P2RX4: variants seen among roughly 807,000 people sequenced by gnomAD.
P2RX4 encodes purinergic receptor P2X 4.
Under a neutral mutation model 48.0 loss-of-function variants are expected in P2RX4, and 37 were observed. That is an observed-to-expected ratio of 0.77 (90% CI 0.59 to 1.01). The LOEUF (loss-of-function observed/expected upper bound fraction) is 1.01, where lower values mean the gene tolerates loss of function less well. Ranked by LOEUF, P2RX4 falls within the 50% of genes least tolerant of loss-of-function variation. P2RX4 has a pLI of 0.00. For synonymous variants in P2RX4, 200 were observed against 199.7 expected, an observed-to-expected ratio of 1.00 and a Z score of -0.01; for missense variants, 501 against 521.4, an observed-to-expected ratio of 0.96 and a Z score of 0.38.
At chr12:121,228,003 G>A (rs531702355) in intron 5 of P2RX4, among the ~76,000 whole-genome samples, 2 of 152,018 alleles carry the variant, frequency 1.3e-5, no homozygotes, top group African/African-American at 2.4e-5. Flanking sequence ...GCTGAGGTGG[G>A]AGAACCCCCT....
At position 121,229,454 on chromosome 12, in the gene P2RX4, C is replaced by T. The variant is rs1199481173; in HGVS notation, c.884+355C>T. Among the ~76,000 whole-genome samples, 2 of 152,230 alleles carry T rather than the reference C, an allele frequency of 1.3e-5. No homozygotes were observed. Among genetic ancestry groups the T allele is most frequent in the African/African-American group, 4.8e-5 (2 of 41,464 alleles). ...GCGGATGATCTTGTGATCCTCCAGTCCAAAGGCCTCTGGGGCCTGGCCCAG... is the reference window on the plus strand; with the variant it reads ...GCGGATGATCTTGTGATCCTCCAGTTCAAAGGCCTCTGGGGCCTGGCCCAG... On this transcript the variant is annotated intron_variant, in intron 8 of 11. Coordinates refer to ENST00000337233, the MANE Select transcript of P2RX4 (RefSeq NM_002560.3). This position sits in a 1 kb window ranked among gnomAD's most constrained non-coding sequence, Gnocchi z 4.6.
chr12:121,219,400 T>C (rs929840534), intron 2 of P2RX4, among the ~76,000 whole-genome samples: 5 of 152,082 alleles, frequency 3.3e-5, no homozygotes, highest in African/African-American at 1.2e-4. Flanking sequence ...TCCTCAGGAG[T>C]GTGAAATGCT....
intron 5 of P2RX4, among the ~76,000 whole-genome samples, chr12:121,226,044 C>T (rs1054993527): frequency 6.6e-6 from 1 of 151,510 alleles, no homozygotes; most frequent in Non-Finnish European, 1.5e-5. Flanking sequence ...GCCCAGCCAA[C>T]TTATTTTTTG....
rs3794213 is a variant in P2RX4 at position 121,222,457 on chromosome 12, A to G, written c.427+291A>G. On this transcript the variant is annotated intron_variant, in intron 4 of 11. Transcript: ENST00000337233. The stretch of plus-strand genomic sequence containing the variant: ...AGCCAGAGTCTCGCTCTGTCACCCA[A>G]ACTGGAGTGCAATGGCATGATCTCG... 0.13 allele frequency: 60,370 copies of G among 467,660 alleles called. 4,785 individuals are homozygous for G. The highest frequency in any genetic ancestry group is 0.23 in the Admixed American group (6,680 of 28,864). 29.0% of individuals were successfully genotyped at this position (467,660 alleles called of 1,614,324 possible). A position where few individuals can be genotyped will look rare whatever the true frequency, so the allele number is the denominator to read the frequency against.
chr12:121,230,388 GAA>G (rs1261012588), intron 8 of P2RX4, among the ~76,000 whole-genome samples: 1 of 151,852 alleles, frequency 6.6e-6, no homozygotes, highest in East Asian at 1.9e-4. Flanking sequence ...GTCTCAGGGG[GAA>G]AAAAAAGAGG....
chr12:121,228,553 C>A lies in P2RX4; in HGVS notation c.545C>A (p.Ala182Glu). 1 of 1,612,404 alleles carries A rather than the reference C, an allele frequency of 6.2e-7. No individual in the cohort carries two copies. Among genetic ancestry groups the A allele is most frequent in the Non-Finnish European group, 8.5e-7 (1 of 1,179,538 alleles). The change falls in exon 6 of 12, where the codon GCA becomes GAA. Residue 182 changes from alanine to glutamate, a missense_variant. This residue lies in a region of P2RX4 where 295 missense variants were observed against 275.3 expected (regional missense o/e 1.07). Transcript: ENST00000337233. ...HVPQPAFLKAAENFTLLVKNN... is the reference protein window; with the variant it reads ...HVPQPAFLKAEENFTLLVKNN... ...TTCAGACCTGCTTTTTTAAAGGCTG[C>A]AGAAAACTTCACTCTTTTGGTTAAG...
Position 121,233,559 on chromosome 12 carries a change from C to A in P2RX4, c.*10C>A, listed in dbSNP as rs746248889. On this transcript the variant is annotated 3_prime_UTR_variant, in exon 12 of 12. Transcript: ENST00000337233. ...TGAGCTGGACCAGTGAGGCCTACCCCACACCTGGGCTCTCCACAGCCCCAT... is the reference window on the plus strand; with the variant it reads ...TGAGCTGGACCAGTGAGGCCTACCCAACACCTGGGCTCTCCACAGCCCCAT... 6.2e-7 allele frequency: 1 copy of A among 1,607,758 alleles called. No homozygotes were observed. Among genetic ancestry groups the A allele is most frequent in the South Asian group, 1.1e-5 (1 of 89,928 alleles).
At chr12:121,226,659 A>G (rs528178314) in intron 5 of P2RX4, among the ~76,000 whole-genome samples, 1 of 152,358 alleles carries the variant, frequency 6.6e-6, no homozygotes, top group South Asian at 2.1e-4. Flanking sequence ...ATTTTATGTT[A>G]TGTGAATTTC....
chr12:121,212,764 G>C (rs1885943725), intron 1 of P2RX4: 1 of 136,268 alleles, frequency 7.3e-6, no homozygotes, highest in African/African-American at 2.7e-5. Flanking sequence ...ACTCCAGCCT[G>C]GGCAACAAGA....
chr12:121,210,191 G>T lies in P2RX4; in HGVS notation c.27G>T (p.Ala9=), dbSNP rs757564473. 2 of 1,538,916 alleles carry T rather than the reference G, an allele frequency of 1.3e-6. No individual in the cohort carries two copies. The highest frequency in any genetic ancestry group is 2.0e-5 in the Admixed American group (1 of 49,806). The part of the protein sequence containing the change: MAGCCAAL[A]AFLFEYDTPR... ...TGGCGGGCTGCTGCGCCGCGCTGGC[G>T]GCCTTCCTGTTCGAGTACGACACGC... The change falls in exon 1 of 12, where the codon GCG becomes GCT. Residue 9 remains alanine, a synonymous_variant. Coordinates refer to ENST00000337233, the MANE Select transcript of P2RX4 (RefSeq NM_002560.3).
chr12:121,225,651 T>TCCTGGGCTCAAGCAAC (rs1886935168), intron 5 of P2RX4, among the ~76,000 whole-genome samples: 1 of 152,192 alleles, frequency 6.6e-6, no homozygotes, highest in Non-Finnish European at 1.5e-5. Flanking sequence ...GACCTCGTGA[T>TCCTGGGCTCAAGCAAC]CCACCTGCCT....
At chr12:121,212,825 T>TATATATA (rs1555234768) in intron 1 of P2RX4, 246 of 31,020 alleles carry the variant, frequency 7.9e-3, no homozygotes, top group Middle Eastern at 0.015. Flanking sequence ...TATATATATA[T>TATATATA]TTTTTTTTTT....
rs1162421756 is a variant in P2RX4 at position 121,210,317 on chromosome 12, G to T, written c.134+19G>T. The stretch of plus-strand genomic sequence containing the variant: ...TCATCGGGTGAGCGTGGGGCCGCGC[G>T]GGGGGCGCGGCGGGTGCTGCCCTCG... On this transcript the variant is annotated intron_variant, in intron 1 of 11. Transcript: ENST00000337233. 2 of 1,498,948 alleles carry T rather than the reference G, an allele frequency of 1.3e-6. No homozygotes were observed. Among genetic ancestry groups the T allele is most frequent in the Non-Finnish European group, 1.8e-6 (2 of 1,127,734 alleles). 92.9% of individuals were successfully genotyped at this position (1,498,948 alleles called of 1,614,324 possible). A position where few individuals can be genotyped will look rare whatever the true frequency, so the allele number is the denominator to read the frequency against.
At chr12:121,223,641 G>A (rs533344637) in intron 5 of P2RX4, among the ~76,000 whole-genome samples, 2 of 152,290 alleles carry the variant, frequency 1.3e-5, no homozygotes, top group East Asian at 3.9e-4. Context: ...GCAAATAACT[G>A]ACAGGAAACA....
intron 1 of P2RX4, 129 bp from the exon 2 acceptor site, chr12:121,217,005 A>G (rs1451492409): frequency 1.1e-6 from 1 of 918,332 alleles, no homozygotes; most frequent in Non-Finnish European, 1.8e-6. Context: ...CCTAGAAGGT[A>G]CGTAGCTTGT....
rs368512274 is a variant in P2RX4, at chr12:121,221,951, C to T, written c.321C>T (p.Leu107=). The T allele has an allele frequency of 9.2e-5, 149 of 1,614,248 alleles. 1 individual carries two copies. The South Asian group carries it at 1.2e-3, about 13-fold the overall frequency. The change falls in exon 3 of 12, where the codon CTC becomes CTT. Residue 107 remains leucine, a synonymous_variant. Coordinates refer to ENST00000337233, the MANE Select transcript of P2RX4 (RefSeq NM_002560.3). ...TCTTCGTCATGACCAACGTGATCCT[C>T]ACCATGAACCAGACACAGGGCCTGT... ...NSLFVMTNVI[L]TMNQTQGLCP...
At chr12:121,231,528 A>G (rs1387708080) in intron 8 of P2RX4, among the ~76,000 whole-genome samples, 1 of 152,070 alleles carries the variant, frequency 6.6e-6, no homozygotes, top group Non-Finnish European at 1.5e-5. Flanking sequence ...AGCATTTCAT[A>G]TAATCAATAT....
intron 2 of P2RX4, among the ~76,000 whole-genome samples, chr12:121,218,301 C>T (rs766163153): frequency 6.6e-6 from 1 of 152,062 alleles, no homozygotes; most frequent in African/African-American, 2.4e-5. Flanking sequence ...TCCTGGCTAA[C>T]ATGGTGAAAC....
rs575770740 is a variant in P2RX4, at chr12:121,220,223, G to C, written c.283-1690G>C. Among the ~76,000 whole-genome samples, 3 of 152,218 alleles carry C rather than the reference G, an allele frequency of 2.0e-5. No homozygotes were observed. In the South Asian group the frequency reaches 6.2e-4, roughly 32 times the overall value. On this transcript the variant is annotated intron_variant, in intron 2 of 11. Transcript: ENST00000337233. ...CCTCTGAGATAATCTGGTTGGCAGG[G>C]AATGTTTTTAGCACTTGTTGGCTCT...
Sources: allele counts gnomAD v4.1 joint callset (sites outside exome capture counted in the v4.1 genomes callset), GRCh38; gene constraint gnomAD v4.1.1; regional missense constraint gnomAD v4.1.1; non-coding constraint Gnocchi (gnomAD v3.1); transcripts MANE v1.5; gene names NCBI Gene and HGNC (gene_info 2026-07-23, HGNC 2026-07-21).